HS6ST3: variants seen among roughly 807,000 people sequenced by gnomAD.
HS6ST3 encodes the protein heparan sulfate 6-O-sulfotransferase 3, also known as heparan-sulfate 6-O-sulfotransferase 3.
Under a neutral mutation model 36.7 loss-of-function variants are expected in HS6ST3, and 12 were observed. The observed-to-expected ratio is 0.33, with a 90% CI of 0.21 to 0.53. The LOEUF is 0.53. HS6ST3 is among the 20% of genes least tolerant of loss of function. HS6ST3 has a pLI of 0.95. For missense variants in HS6ST3, 584 were observed against 640.9 expected (o/e 0.91, Z 0.96); for synonymous variants, 240 against 257.5 (o/e 0.93, Z 0.65).
intron 1 of HS6ST3, among the ~76,000 whole-genome samples, chr13:96,505,423 T>C (rs2056022410): frequency 6.6e-6 from 1 of 152,160 alleles, no homozygotes; most frequent in South Asian, 2.1e-4. Flanking sequence ...TCTCAAAGTA[T>C]AACTCAGGCT....
intron 1 of HS6ST3, among the ~76,000 whole-genome samples, chr13:96,745,665 A>G (rs978958028): frequency 3.9e-5 from 6 of 152,116 alleles, no homozygotes; most frequent in African/African-American, 1.4e-4. Context: ...GGATGGGTCA[A>G]TTACAGTTAA....
chr13:96,742,781 C>A (rs144460768), intron 1 of HS6ST3, among the ~76,000 whole-genome samples: 7 of 152,092 alleles, frequency 4.6e-5, no homozygotes, highest in Admixed American at 4.6e-4. Flanking sequence ...TATTAAAATG[C>A]TGCAGATGAA....
At chr13:96,329,487 C>T (rs896793144) in intron 1 of HS6ST3, among the ~76,000 whole-genome samples, 6 of 147,710 alleles carry the variant, frequency 4.1e-5, no homozygotes, top group Admixed American at 2.0e-4. Context: ...TGTAGTTGAC[C>T]GGTTTTGAGT....
At chr13:96,451,705 AC>A (rs1214998829) in intron 1 of HS6ST3, among the ~76,000 whole-genome samples, 10 of 152,172 alleles carry the variant, frequency 6.6e-5, no homozygotes, top group Admixed American at 6.6e-4. Context: ...GGGATATAGC[AC>A]TGGCAGACTG....
intron 1 of HS6ST3, among the ~76,000 whole-genome samples, chr13:96,195,504 C>G (rs1364169284): frequency 1.3e-5 from 2 of 152,284 alleles, no homozygotes; most frequent in African/African-American, 2.4e-5. Context: ...TGCATAAATT[C>G]TGTCAGGAAA....
At chr13:96,798,203 A>G (rs1877961497) in intron 1 of HS6ST3, among the ~76,000 whole-genome samples, 1 of 152,054 alleles carries the variant, frequency 6.6e-6, no homozygotes, top group South Asian at 2.1e-4. Flanking sequence ...TCCCTTCCCC[A>G]GGTGCACCAC....
intron 1 of HS6ST3, among the ~76,000 whole-genome samples, chr13:96,498,554 T>C (rs1353742217): frequency 1.3e-5 from 2 of 152,180 alleles, no homozygotes; most frequent in East Asian, 1.9e-4. Context: ...TTACATCACC[T>C]GATTTCAATT....
intron 1 of HS6ST3, among the ~76,000 whole-genome samples, chr13:96,790,939 A>G (rs1300547385): frequency 2.0e-5 from 3 of 152,034 alleles, no homozygotes; most frequent in Non-Finnish European, 4.4e-5. Flanking sequence ...GTGTAATAAA[A>G]TTCTTTAGTG....
chr13:96,537,162 G>A (rs1051869965), intron 1 of HS6ST3, among the ~76,000 whole-genome samples: 1 of 152,180 alleles, frequency 6.6e-6, no homozygotes, highest in Non-Finnish European at 1.5e-5. Context: ...CATAATCATG[G>A]TGGATGGCGA....
intron 1 of HS6ST3, among the ~76,000 whole-genome samples, chr13:96,492,539 C>A (rs182117704): frequency 2.0e-5 from 3 of 152,338 alleles, no homozygotes. Flanking sequence ...TCCTTCCTTG[C>A]AGAAATGTAG....
At chr13:96,112,353 T>C (rs2053872373) in intron 1 of HS6ST3, among the ~76,000 whole-genome samples, 1 of 151,882 alleles carries the variant, frequency 6.6e-6, no homozygotes, top group Non-Finnish European at 1.5e-5. Context: ...GGCATATTTA[T>C]GTTCCTTGGA....
At chr13:96,441,591 T>A (rs1389268136) in intron 1 of HS6ST3, among the ~76,000 whole-genome samples, 1 of 152,150 alleles carries the variant, frequency 6.6e-6, no homozygotes, top group Non-Finnish European at 1.5e-5. Context: ...AGGAAGCAGG[T>A]GATTCAGAGT....
intron 1 of HS6ST3, among the ~76,000 whole-genome samples, chr13:96,231,890 A>T (rs2054510299): frequency 6.6e-6 from 1 of 152,202 alleles, no homozygotes; most frequent in Admixed American, 6.5e-5. Flanking sequence ...CCAGTCATAA[A>T]GTGTAAATAC....
chr13:96,830,295 C>G (rs116339059), intron 1 of HS6ST3, among the ~76,000 whole-genome samples: 2,774 of 152,210 alleles, frequency 0.018, 79 homozygotes, highest in African/African-American at 0.063. Flanking sequence ...CCCATCATAA[C>G]TCAAAGAGTA....
At position 96,766,285 on chromosome 13, in the gene HS6ST3, G is replaced by A. The variant is rs557214571; in HGVS notation, c.708-66205G>A. 1.5e-3 allele frequency among the ~76,000 whole-genome samples: 227 copies of A among 152,306 alleles called. 1 individual carries two copies. Among genetic ancestry groups the A allele is most frequent in the African/African-American group, 5.3e-3 (219 of 41,572 alleles). On this transcript the variant is annotated intron_variant, in intron 1 of 1. Transcript: ENST00000376705. Reference sequence around the variant, plus strand: ...TACCTTGAAAAGTAAATGTGACAGTGTGGTGTTAATCATCTTAAAAAGGGA... The same window carrying A: ...TACCTTGAAAAGTAAATGTGACAGTATGGTGTTAATCATCTTAAAAAGGGA...
rs567918202 is a variant in HS6ST3, at chr13:96,466,036, G to A, written c.708-366454G>A. Among the ~76,000 whole-genome samples, 5 of 151,948 alleles carry A rather than the reference G, an allele frequency of 3.3e-5. No homozygotes were observed. The East Asian group carries it at 7.8e-4, about 24-fold the overall frequency. ...GGTGGCTCACGCCTGAAATCCCAGC[G>A]CTTTAGGAGGCTGAGGCGGGCAGAT... On this transcript the variant is annotated intron_variant, in intron 1 of 1. Transcript: ENST00000376705.
At chr13:96,477,169 T>C (rs1159914581) in intron 1 of HS6ST3, among the ~76,000 whole-genome samples, 1 of 152,162 alleles carries the variant, frequency 6.6e-6, no homozygotes, top group Non-Finnish European at 1.5e-5. Flanking sequence ...GCACTAGCTG[T>C]AAGATGATAA....
intron 1 of HS6ST3, among the ~76,000 whole-genome samples, chr13:96,095,341 A>G (rs1041278516): frequency 6.6e-6 from 1 of 152,224 alleles, no homozygotes; most frequent in Non-Finnish European, 1.5e-5. Flanking sequence ...TTAAATAATG[A>G]TGGAAAGATA....
intron 1 of HS6ST3, among the ~76,000 whole-genome samples, chr13:96,783,943 C>G (rs1183725617): frequency 6.6e-6 from 1 of 151,712 alleles, no homozygotes; most frequent in Admixed American, 6.6e-5. Flanking sequence ...ATAACAATAC[C>G]CTGAAGAAAG....
Sources: gnomAD v4.1 joint callset for allele counts (sites outside exome capture counted in the v4.1 genomes callset) on GRCh38, gnomAD v4.1.1 for gene constraint, MANE v1.5 for transcripts, NCBI Gene and HGNC (gene_info 2026-07-23, HGNC 2026-07-21) for gene names.